CAPN11: variants seen among roughly 807,000 people sequenced by gnomAD.
CAPN11 encodes the protein calpain-11.
CAPN11 carries 108 observed loss-of-function variants against 105.3 expected under a neutral mutation model. That is an observed-to-expected ratio of 1.03 (90% CI 0.88 to 1.20). The LOEUF is 1.20. Among genes scored for constraint, CAPN11 ranks in the 50% most tolerant of loss-of-function variants. CAPN11 has a pLI of 0.00. For missense variants in CAPN11, 883 were observed against 924.8 expected (o/e 0.95, Z 0.59); for synonymous variants, 329 against 344.5 (o/e 0.96, Z 0.50).
At chr6:44,170,524 C>T (rs1246050980) in intron 4 of CAPN11, among the ~76,000 whole-genome samples, 1 of 152,184 alleles carries the variant, frequency 6.6e-6, no homozygotes, top group African/African-American at 2.4e-5. Flanking sequence ...TGAGTGTCCA[C>T]GCAACGTGGT....
intron 1 of CAPN11, 93 bp downstream of exon 1, chr6:44,158,957 TGCCCCTTG>T: frequency 1.1e-6 from 1 of 921,846 alleles, no homozygotes; most frequent in East Asian, 4.3e-5. Context: ...TCAGACTGGG[TGCCCCTTG>T]AGGGTACAGA....
intron 6 of CAPN11, 59 bp downstream of exon 6, chr6:44,173,132 CAG>C (rs1270185593): frequency 6.2e-7 from 1 of 1,603,484 alleles, no homozygotes; most frequent in Non-Finnish European, 8.5e-7. Flanking sequence ...CAGCTGGAAT[CAG>C]GGGGAGGGGA....
At position 44,169,061 on chromosome 6, in the gene CAPN11, G is replaced by A. The variant is rs370422707; in HGVS notation, c.89-220G>A. On this transcript the variant is annotated intron_variant, in intron 2 of 22. Coordinates refer to ENST00000398776, the MANE Select transcript of CAPN11 (RefSeq NM_007058.4). ...TCCTCCCATTTCAGCCTCCTGAGTA[G>A]CTGGGACTACAGGCACACGTCACCA... 8 of 569,394 alleles carry A rather than the reference G, an allele frequency of 1.4e-5. No homozygotes were observed. The East Asian group carries it at 3.2e-4, about 23-fold the overall frequency. 35.3% of individuals were successfully genotyped at this position (569,394 alleles called of 1,614,324 possible). A position where few individuals can be genotyped will look rare whatever the true frequency, so the allele number is the denominator to read the frequency against.
At chr6:44,179,529 C>T in intron 12 of CAPN11, 90 bp from the exon 13 acceptor site, 2 of 1,155,774 alleles carry the variant, frequency 1.7e-6, no homozygotes, top group South Asian at 1.2e-5. Context: ...CACACACAGA[C>T]ACACACTATA....
rs929320275 is a variant in CAPN11, at chr6:44,161,915, C to G, written c.16+3051C>G. On this transcript the variant is annotated intron_variant, in intron 1 of 22. Transcript: ENST00000398776. ...CGTGTGAATGACCTTAGATGATTCG[C>G]TCAACCCAGGTTTGTCAACCCCAGC... The G allele has an allele frequency of 3.1e-5, 14 of 456,024 alleles. No individual in the cohort carries two copies. In the Admixed American group the frequency reaches 3.3e-4, roughly 11 times the overall value. 28.2% of individuals were successfully genotyped at this position (456,024 alleles called of 1,614,324 possible).
intron 1 of CAPN11, 98 bp downstream of exon 1, chr6:44,158,962 C>A: frequency 2.5e-6 from 2 of 798,126 alleles, no homozygotes. Flanking sequence ...CTGGGTGCCC[C>A]TTGAGGGTAC....
chr6:44,161,890 C>T (rs1012117268), intron 1 of CAPN11: 26 of 456,236 alleles, frequency 5.7e-5, no homozygotes, highest in Middle Eastern at 3.3e-4. Context: ...TTTGCCTTAT[C>T]GTGTGAATGA....
intron 1 of CAPN11, chr6:44,161,999 G>A (rs1030615180): frequency 7.0e-6 from 3 of 430,688 alleles, no homozygotes; most frequent in Non-Finnish European, 1.4e-5. Flanking sequence ...CTACACTGAG[G>A]GGCGCCCAGC....
intron 19 of CAPN11, among the ~76,000 whole-genome samples, chr6:44,181,599 CACA>C (rs1468449723): frequency 2.6e-5 from 1 of 38,396 alleles, no homozygotes; most frequent in Non-Finnish European, 5.2e-5. Context: ...CACATACAGA[CACA>C]ACCACACCAC....
chr6:44,169,422 G>A lies in CAPN11; in HGVS notation c.230G>A (p.Gly77Glu), dbSNP rs758504799. 3.7e-6 allele frequency: 6 copies of A among 1,613,768 alleles called. No homozygotes were observed. The Admixed American group carries it at 1.0e-4, about 27-fold the overall frequency. The change falls in exon 3 of 23, where the codon GGG becomes GAG. Residue 77 changes from glycine to glutamate, a missense_variant. By Grantham distance (98) the Gly-to-Glu change is moderately conservative. Transcript: ENST00000398776. ...CTGCGAGCAGCCTGTCTAAGAAAGG[G>A]GGAGCTCTTCGAGGACCCCTTATTC... ...EELRAACLRK[G>E]ELFEDPLFPA...
intron 1 of CAPN11, among the ~76,000 whole-genome samples, chr6:44,164,020 AT>A (rs1462412839): frequency 6.6e-6 from 1 of 151,910 alleles, no homozygotes; most frequent in East Asian, 1.9e-4. Flanking sequence ...TTTAATTTTT[AT>A]TTTGTAGACA....
chr6:44,181,085 C>T (rs1300640940), intron 18 of CAPN11, 88 bp downstream of exon 18: 7 of 1,288,724 alleles, frequency 5.4e-6, no homozygotes, highest in Non-Finnish European at 7.9e-6. Context: ...CCACGTCCTC[C>T]TCCCTGATGG....
intron 2 of CAPN11, among the ~76,000 whole-genome samples, chr6:44,168,462 G>T (rs1043258678): frequency 6.6e-6 from 1 of 151,792 alleles, no homozygotes; most frequent in Non-Finnish European, 1.5e-5. Context: ...TAGAGACGGG[G>T]TTTCACCAGG....
intron 1 of CAPN11, among the ~76,000 whole-genome samples, chr6:44,163,232 C>A (rs1769218518): frequency 1.3e-5 from 2 of 152,194 alleles, no homozygotes; most frequent in African/African-American, 2.4e-5. Context: ...ACAGCTAATT[C>A]TCTGGCTCCA....
intron 19 of CAPN11, 116 bp downstream of exon 19, chr6:44,181,436 A>ACAT: frequency 1.5e-6 from 1 of 663,010 alleles, no homozygotes; most frequent in African/African-American, 2.0e-5. Flanking sequence ...ACACACACCC[A>ACAT]ACCACACCAC....
At position 44,184,138 on chromosome 6, in the gene CAPN11, T is replaced by C; in HGVS notation, c.*206T>C. On this transcript the variant is annotated 3_prime_UTR_variant, in exon 23 of 23. Transcript: ENST00000398776. ...ACTCCCCCAGCTCAGAGGCTTTCTC[T>C]TTTTTCCCCAACCCGGCTTCTGATG... The C allele has an allele frequency of 3.4e-6, 2 of 587,256 alleles. No homozygotes were observed. Among genetic ancestry groups the C allele is most frequent in the African/African-American group, 3.7e-5 (2 of 53,796 alleles). 36.4% of individuals were successfully genotyped at this position (587,256 alleles called of 1,614,324 possible).
intron 14 of CAPN11, 50 bp from the exon 15 acceptor site, chr6:44,180,410 C>A: frequency 6.3e-7 from 1 of 1,598,262 alleles, no homozygotes; most frequent in South Asian, 1.1e-5. Context: ...CACTAAAACC[C>A]CCACCTCCCT....
intron 4 of CAPN11, among the ~76,000 whole-genome samples, chr6:44,170,281 G>C (rs143130584): frequency 1.3e-5 from 2 of 152,170 alleles, no homozygotes; most frequent in East Asian, 3.8e-4. Flanking sequence ...CTTATCTCAC[G>C]GTTCCTGTGG....
In CAPN11 at chr6:44,173,339, C is replaced by A. The variant is rs771862820; in HGVS notation, c.784C>A (p.Leu262Ile). The change falls in exon 7 of 23, where the codon CTT becomes ATT. Residue 262 changes from leucine (L) to isoleucine (I), a missense_variant. Coordinates refer to ENST00000398776, the MANE Select transcript of CAPN11 (RefSeq NM_007058.4). ...GCCCCCTCAGAACCTGCTCAGGCTC[C>A]TTAGGAAGGCCGTGGAGCGATCCTC... ...QRPPQNLLRL[L>I]RKAVERSSLM... The A allele has an allele frequency of 2.5e-6, 4 of 1,613,758 alleles. No individual in the cohort carries two copies. In the East Asian group the frequency reaches 6.7e-5, roughly 27 times the overall value.
Sources: gnomAD v4.1 joint callset for allele counts (sites outside exome capture counted in the v4.1 genomes callset) on GRCh38, gnomAD v4.1.1 for gene constraint, MANE v1.5 for transcripts, NCBI Gene and HGNC (gene_info 2026-07-23, HGNC 2026-07-21) for gene names.